Variants in NELL2 observed in about 807,000 individuals in gnomAD.
NELL2 encodes the protein protein kinase C-binding protein NELL2.
A neutral mutation model predicts 109.6 loss-of-function variants in NELL2; 41 were observed. That is an observed-to-expected ratio of 0.37 (90% CI 0.29 to 0.49). The LOEUF (loss-of-function observed/expected upper bound fraction) is 0.49. Ranked by LOEUF, NELL2 falls within the 20% of genes least tolerant of loss-of-function variation. The probability of loss-of-function intolerance (pLI) is 0.98; values close to 1 mark genes in which losing one functional copy is unlikely to be tolerated. For missense variants in NELL2, 900 were observed against 1,008.3 expected (o/e 0.89, Z 1.45); for synonymous variants, 355 against 344.7 (o/e 1.03, Z -0.33).
intron 15 of NELL2, among the ~76,000 whole-genome samples, chr12:44,570,387 TCA>T (rs1943819052): frequency 2.0e-5 from 3 of 152,170 alleles, no homozygotes; most frequent in Admixed American, 6.5e-5. Context: ...AATTGATCAA[TCA>T]CAGACCCACA....
chr12:44,578,575 T>C (rs1209573061), intron 15 of NELL2, among the ~76,000 whole-genome samples: 1 of 152,028 alleles, frequency 6.6e-6, no homozygotes, highest in Non-Finnish European at 1.5e-5. Context: ...TGTGTATCTT[T>C]AATTAAAATC....
chr12:44,641,142 T>A (rs1946840336), intron 13 of NELL2, among the ~76,000 whole-genome samples: 1 of 152,138 alleles, frequency 6.6e-6, no homozygotes, highest in Non-Finnish European at 1.5e-5. Context: ...AGTGGCTTAA[T>A]GCTATCATTT....
intron 13 of NELL2, among the ~76,000 whole-genome samples, chr12:44,662,654 CAG>C (rs568642302): frequency 1.3e-3 from 191 of 152,176 alleles, no homozygotes; most frequent in African/African-American, 4.4e-3. Flanking sequence ...ATTTGTATGC[CAG>C]AGTTACTAGG....
intron 15 of NELL2, among the ~76,000 whole-genome samples, chr12:44,545,916 T>A (rs1942776548): frequency 6.6e-6 from 1 of 152,152 alleles, no homozygotes; most frequent in Non-Finnish European, 1.5e-5. Context: ...CTTGATCTAC[T>A]TAAAGATTAT....
intron 1 of NELL2, among the ~76,000 whole-genome samples, chr12:44,904,469 T>A (rs1945697879): frequency 6.6e-6 from 1 of 152,090 alleles, no homozygotes; most frequent in African/African-American, 2.4e-5. Context: ...GCTGAACAGA[T>A]ACAAAGATAT....
chr12:44,803,054 G>C (rs553814943), intron 3 of NELL2, among the ~76,000 whole-genome samples: 1 of 152,158 alleles, frequency 6.6e-6, no homozygotes, highest in African/African-American at 2.4e-5. Context: ...GGTTGACATA[G>C]TGTGCCTCCA....
chr12:44,611,098 T>C (rs952034542), intron 13 of NELL2, 128 bp from the exon 14 acceptor site: 35 of 878,442 alleles, frequency 4.0e-5, no homozygotes, highest in Admixed American at 9.9e-5. Context: ...TTATAAATTA[T>C]AGAAGAGCTC....
intron 13 of NELL2, among the ~76,000 whole-genome samples, chr12:44,643,368 A>G (rs1022711361): frequency 5.9e-5 from 9 of 152,172 alleles, no homozygotes; most frequent in Non-Finnish European, 1.3e-4. Flanking sequence ...CAAGTTGATC[A>G]TTTTTAGATT....
intron 15 of NELL2, among the ~76,000 whole-genome samples, chr12:44,594,815 G>A (rs1470068399): frequency 6.6e-6 from 1 of 151,958 alleles, no homozygotes; most frequent in East Asian, 1.9e-4. Flanking sequence ...ACTAAATATT[G>A]CACTTATACT....
intron 12 of NELL2, among the ~76,000 whole-genome samples, chr12:44,671,056 C>T (rs1948121778): frequency 6.6e-6 from 1 of 152,048 alleles, no homozygotes; most frequent in African/African-American, 2.4e-5. Flanking sequence ...AAACAGGTCT[C>T]CAAAAGTTTT....
intron 5 of NELL2, among the ~76,000 whole-genome samples, chr12:44,778,105 T>C (rs747121405): frequency 2.0e-5 from 3 of 152,164 alleles, no homozygotes; most frequent in Non-Finnish European, 4.4e-5. Context: ...TTCATGGCCT[T>C]TATATATTTT....
chr12:44,613,973 G>A (rs1426787836), intron 13 of NELL2, among the ~76,000 whole-genome samples: 1 of 151,924 alleles, frequency 6.6e-6, no homozygotes, highest in Non-Finnish European at 1.5e-5. Context: ...ATAGAATAAG[G>A]AAGGAAATTC....
chr12:44,628,207 TAAC>T (rs1478280309), intron 13 of NELL2, among the ~76,000 whole-genome samples: 2 of 152,234 alleles, frequency 1.3e-5, no homozygotes, highest in Admixed American at 1.3e-4. Context: ...TTTTAAAATA[TAAC>T]AACATGCAAT....
chr12:44,773,093 T>G (rs916663220), intron 9 of NELL2, among the ~76,000 whole-genome samples: 4 of 152,204 alleles, frequency 2.6e-5, no homozygotes, highest in African/African-American at 9.7e-5. Context: ...TCAATCAACC[T>G]GTATCTAATA....
At chr12:44,614,598 T>G (rs1310805383) in intron 13 of NELL2, among the ~76,000 whole-genome samples, 1 of 152,110 alleles carries the variant, frequency 6.6e-6, no homozygotes, top group African/African-American at 2.4e-5. Context: ...GCAGATGTTA[T>G]GTATAACAAT....
intron 19 of NELL2, among the ~76,000 whole-genome samples, chr12:44,519,765 G>T (rs1941440073): frequency 6.6e-6 from 1 of 152,130 alleles, no homozygotes; most frequent in Admixed American, 6.5e-5. Flanking sequence ...TTCTATGTTG[G>T]TGATATAAAT....
intron 15 of NELL2, among the ~76,000 whole-genome samples, chr12:44,557,200 C>T (rs1229933196): frequency 6.6e-6 from 1 of 152,164 alleles, no homozygotes; most frequent in East Asian, 1.9e-4. Context: ...TCTTTGGATC[C>T]TACCATTTTG....
At chr12:44,717,612 G>T (rs1938558209) in intron 9 of NELL2, among the ~76,000 whole-genome samples, 2 of 152,270 alleles carry the variant, frequency 1.3e-5, no homozygotes, top group South Asian at 4.1e-4. Flanking sequence ...CCAGACTGTG[G>T]TAAAAGCAAG....
At chr12:44,592,483 A>G (rs931746937) in intron 15 of NELL2, among the ~76,000 whole-genome samples, 4 of 152,278 alleles carry the variant, frequency 2.6e-5, no homozygotes, top group South Asian at 4.1e-4. Context: ...AAAAGATTAG[A>G]TAGTTAGGTA....
Sources: allele counts gnomAD v4.1 joint callset (sites outside exome capture counted in the v4.1 genomes callset), GRCh38; gene constraint gnomAD v4.1.1; transcripts MANE v1.5; gene names NCBI Gene and HGNC (gene_info 2026-07-23, HGNC 2026-07-21).